NAV3: variants seen among roughly 807,000 people sequenced by gnomAD.
The protein encoded by NAV3 is neuron navigator 3.
A neutral mutation model predicts 244.7 loss-of-function variants in NAV3; 87 were observed. The observed-to-expected ratio is 0.36, with a 90% CI of 0.30 to 0.42. NAV3 has a LOEUF of 0.42. NAV3 is among the 20% of genes least tolerant of loss of function. The pLI, the probability that NAV3 is intolerant of heterozygous loss-of-function variation, is 1.00. For missense variants in NAV3, 2,663 were observed against 2,893.3 expected (o/e 0.92, Z 1.83); for synonymous variants, 1,126 against 1,042.2 (o/e 1.08, Z -1.55).
At chr12:77,704,738 T>C (rs1875715021) in intron 2 of NAV3, among the ~76,000 whole-genome samples, 3 of 152,158 alleles carry the variant, frequency 2.0e-5, no homozygotes, top group African/African-American at 7.2e-5. Flanking sequence ...AAAGATATGT[T>C]ACAAAACATA....
intron 2 of NAV3, among the ~76,000 whole-genome samples, chr12:77,641,225 C>T (rs1005503837): frequency 2.6e-5 from 4 of 152,020 alleles, no homozygotes; most frequent in African/African-American, 9.7e-5. Context: ...CAAGTTGCCA[C>T]CATCTCTGGG....
intron 2 of NAV3, among the ~76,000 whole-genome samples, chr12:77,751,302 C>G (rs1288655635): frequency 6.6e-6 from 1 of 152,130 alleles, no homozygotes; most frequent in Non-Finnish European, 1.5e-5. Context: ...ACTTCTTTTT[C>G]TCCTCAAATC....
intron 2 of NAV3, among the ~76,000 whole-genome samples, chr12:77,636,127 C>T (rs1872141551): frequency 6.6e-6 from 1 of 152,094 alleles, no homozygotes; most frequent in Non-Finnish European, 1.5e-5. Flanking sequence ...ATCAAAACCA[C>T]AATGAGATAC....
intron 2 of NAV3, among the ~76,000 whole-genome samples, chr12:77,672,935 A>G (rs1874051347): frequency 6.6e-6 from 1 of 152,278 alleles, no homozygotes; most frequent in South Asian, 2.1e-4. Context: ...ATAACAACTA[A>G]GGGCTTCCAA....
chr12:77,833,917 G>C (rs1057375057), intron 1 of NAV3, among the ~76,000 whole-genome samples: 1 of 152,048 alleles, frequency 6.6e-6, no homozygotes, highest in African/African-American at 2.4e-5. Context: ...TGGCCTGCCG[G>C]TGTCTGCAGG....
intron 2 of NAV3, among the ~76,000 whole-genome samples, chr12:77,803,026 A>G (rs1871793490): frequency 1.3e-5 from 2 of 152,166 alleles, no homozygotes; most frequent in African/African-American, 4.8e-5. Context: ...CTATTATATG[A>G]CATTCTATAT....
At chr12:77,615,605 T>C (rs1202159646) in intron 2 of NAV3, among the ~76,000 whole-genome samples, 1 of 152,214 alleles carries the variant, frequency 6.6e-6, no homozygotes, top group Non-Finnish European at 1.5e-5. Flanking sequence ...CACATTCTCC[T>C]GATAAAGTCC....
chr12:77,856,430 C>T (rs1878408173), intron 1 of NAV3, among the ~76,000 whole-genome samples: 1 of 152,022 alleles, frequency 6.6e-6, no homozygotes. Flanking sequence ...AGGAGGTCCA[C>T]CCAAGATTTG....
At chr12:77,791,019 A>G (rs1871152829) in intron 2 of NAV3, among the ~76,000 whole-genome samples, 1 of 152,182 alleles carries the variant, frequency 6.6e-6, no homozygotes. Flanking sequence ...AGGAAGCTTG[A>G]TCTCAAGTTG....
intron 12 of NAV3, among the ~76,000 whole-genome samples, chr12:78,059,822 C>T (rs527684569): frequency 1.3e-5 from 2 of 151,824 alleles, no homozygotes; most frequent in East Asian, 3.9e-4. Flanking sequence ...TACCTGGAAG[C>T]TAATGATATA....
intron 2 of NAV3, among the ~76,000 whole-genome samples, chr12:77,586,004 T>C (rs1189016114): frequency 6.6e-6 from 1 of 151,844 alleles, no homozygotes; most frequent in Admixed American, 6.6e-5. Flanking sequence ...CTACTAAAAA[T>C]ACAAAAAATT....
intron 2 of NAV3, among the ~76,000 whole-genome samples, chr12:77,655,744 C>G (rs1212679102): frequency 6.6e-6 from 1 of 152,158 alleles, no homozygotes; most frequent in Non-Finnish European, 1.5e-5. Context: ...GCCCATCAGA[C>G]TAACAGCAGA....
intron 1 of NAV3, among the ~76,000 whole-genome samples, chr12:77,939,938 A>T (rs1252824560): frequency 6.6e-6 from 1 of 152,216 alleles, no homozygotes; most frequent in African/African-American, 2.4e-5. Flanking sequence ...TAATGTTTCT[A>T]TGTAAATCAG....
intron 3 of NAV3, among the ~76,000 whole-genome samples, chr12:77,965,724 A>G (rs1393186264): frequency 1.3e-5 from 2 of 152,318 alleles, no homozygotes; most frequent in Middle Eastern, 6.8e-3. Context: ...CACCTCTAGA[A>G]ATACAAATAT....
chr12:77,909,216 A>T (rs1011579872), intron 1 of NAV3, among the ~76,000 whole-genome samples: 1 of 152,036 alleles, frequency 6.6e-6, no homozygotes, highest in African/African-American at 2.4e-5. Flanking sequence ...AAAGATGATA[A>T]TTTTTTCAAC....
At chr12:77,593,017 G>A (rs11105824) in intron 2 of NAV3, among the ~76,000 whole-genome samples, 256 of 152,136 alleles carry the variant, frequency 1.7e-3, no homozygotes, top group Admixed American at 4.0e-3. Flanking sequence ...CTTCTAAATG[G>A]CATGAGTCTC....
chr12:78,186,698 C>T (rs775929766), intron 31 of NAV3, among the ~76,000 whole-genome samples: 1 of 151,824 alleles, frequency 6.6e-6, no homozygotes, highest in African/African-American at 2.4e-5. Context: ...TCTAAAAAAG[C>T]TTCCATGAAA....
At chr12:77,675,087 C>A (rs942759613) in intron 2 of NAV3, among the ~76,000 whole-genome samples, 7 of 152,108 alleles carry the variant, frequency 4.6e-5, no homozygotes, top group Non-Finnish European at 1.0e-4. Context: ...TGAATGACGT[C>A]CTTGAGGTAC....
At chr12:78,001,806 G>A (rs1362355930) in intron 7 of NAV3, among the ~76,000 whole-genome samples, 3 of 152,172 alleles carry the variant, frequency 2.0e-5, no homozygotes, top group African/African-American at 4.8e-5. Flanking sequence ...AGTGGAACGC[G>A]GAAACATATT....
Sources: gnomAD v4.1 joint callset for allele counts (sites outside exome capture counted in the v4.1 genomes callset) on GRCh38, gnomAD v4.1.1 for gene constraint, MANE v1.5 for transcripts, NCBI Gene and HGNC (gene_info 2026-07-23, HGNC 2026-07-21) for gene names.